Variants in CSMD1 observed in about 807,000 individuals in gnomAD.
CSMD1 encodes CUB and sushi domain-containing protein 1.
In CSMD1, 213 loss-of-function variants were observed where a neutral mutation model predicts 417.5. The observed-to-expected ratio is 0.51, with a 90% confidence interval of 0.46 to 0.57. CSMD1 has a LOEUF of 0.57. CSMD1 is among the 20% of genes least tolerant of loss of function. The probability of loss-of-function intolerance (pLI) is 0.00; values close to 1 mark genes in which losing one functional copy is unlikely to be tolerated. For synonymous variants in CSMD1, 2,862 were observed against 1,736.8 expected (o/e 1.65, Z -16.11); for missense variants, 6,923 against 4,529.7 (o/e 1.53, Z -15.17).
In CSMD1 at chr8:4,198,287, C is replaced by T. The variant is rs935184363; in HGVS notation, c.416-166188G>A. Among the ~76,000 whole-genome samples, 4 of 152,224 alleles carry T rather than the reference C, an allele frequency of 2.6e-5. No homozygotes were observed. In the South Asian group the frequency reaches 6.2e-4, roughly 24 times the overall value. On this transcript the variant is annotated intron_variant, in intron 3 of 69. Transcript: ENST00000635120. ...TTACAGAAGCACAGAAGGTAAACCC[C>T]AGAGAAGTGGCAGCAGGGGCTGGCA...
chr8:3,744,210 C>T (rs1299456770), intron 6 of CSMD1, among the ~76,000 whole-genome samples: 5 of 152,092 alleles, frequency 3.3e-5, no homozygotes, highest in South Asian at 2.1e-4. Flanking sequence ...ACAGGGATGA[C>T]GTGTTCAAGC....
intron 10 of CSMD1, among the ~76,000 whole-genome samples, chr8:3,497,086 T>C (rs951041362): frequency 1.3e-5 from 2 of 152,226 alleles, no homozygotes; most frequent in Non-Finnish European, 2.9e-5. Context: ...AGAATATTCA[T>C]ACCATGTACT....
chr8:3,732,343 G>C (rs773617280), intron 6 of CSMD1, among the ~76,000 whole-genome samples: 1 of 152,146 alleles, frequency 6.6e-6, no homozygotes, highest in Non-Finnish European at 1.5e-5. Context: ...GTGGATCACA[G>C]CCTCACCATA....
intron 3 of CSMD1, among the ~76,000 whole-genome samples, chr8:4,333,254 A>C (rs1482659414): frequency 6.6e-6 from 1 of 152,142 alleles, no homozygotes; most frequent in African/African-American, 2.4e-5. Context: ...ACACAATTCT[A>C]TTAAAGCCAA....
chr8:4,765,079 G>C (rs1429376666), intron 1 of CSMD1, among the ~76,000 whole-genome samples: 1 of 152,078 alleles, frequency 6.6e-6, no homozygotes, highest in Non-Finnish European at 1.5e-5. Context: ...ATGAGGAACA[G>C]GTATGCAACG....
chr8:4,647,184 A>G (rs1300566600), intron 1 of CSMD1, among the ~76,000 whole-genome samples: 1 of 152,038 alleles, frequency 6.6e-6, no homozygotes, highest in African/African-American at 2.4e-5. Flanking sequence ...CAAATAGGCC[A>G]CTGGGCCATA....
chr8:3,515,669 G>C (rs1475077026), intron 10 of CSMD1, among the ~76,000 whole-genome samples: 1 of 152,154 alleles, frequency 6.6e-6, no homozygotes, highest in African/African-American at 2.4e-5. Context: ...AGACCAACTT[G>C]GAACAAGTCA....
chr8:3,593,916 A>G (rs1282285097), intron 8 of CSMD1, among the ~76,000 whole-genome samples: 1 of 152,044 alleles, frequency 6.6e-6, no homozygotes, highest in East Asian at 1.9e-4. Flanking sequence ...CTTTTTCCCA[A>G]TACGTAGAAT....
At chr8:4,046,020 A>T (rs770018672) in intron 3 of CSMD1, among the ~76,000 whole-genome samples, 1 of 152,286 alleles carries the variant, frequency 6.6e-6, no homozygotes, top group Non-Finnish European at 1.5e-5. Flanking sequence ...TTGTATTCAA[A>T]TATAAAATTT....
Position 3,523,608 on chromosome 8 carries a change from TAC to T in CSMD1, c.1345-29884_1345-29883del, listed in dbSNP as rs373137163. On this transcript the variant is annotated intron_variant, in intron 10 of 69. Transcript: ENST00000635120. ...ACAGACATATGCACACATGTGCATGTACACACACACATGCATGCACACCGAGA... is the reference window on the plus strand; with the variant it reads ...ACAGACATATGCACACATGTGCATGTACACACACATGCATGCACACCGAGA... Among the ~76,000 whole-genome samples, 604 of 150,546 alleles carry T rather than the reference TAC, an allele frequency of 4.0e-3. 5 individuals carry two copies. Among genetic ancestry groups the T allele is most frequent in the African/African-American group, 0.011 (455 of 40,918 alleles).
intron 2 of CSMD1, among the ~76,000 whole-genome samples, chr8:4,565,394 T>C (rs1379656017): frequency 6.6e-6 from 1 of 152,122 alleles, no homozygotes; most frequent in East Asian, 1.9e-4. Context: ...ACTTAACCTC[T>C]TCATTTTACA....
intron 3 of CSMD1, among the ~76,000 whole-genome samples, chr8:4,226,050 G>C (rs576152377): frequency 1.4e-5 from 2 of 146,780 alleles, no homozygotes; most frequent in Non-Finnish European, 3.0e-5. Context: ...AAGCTGGAAG[G>C]TTAGAGCTGA....
chr8:3,206,966 C>T (rs895451172), intron 30 of CSMD1, among the ~76,000 whole-genome samples: 2 of 151,952 alleles, frequency 1.3e-5, no homozygotes, highest in Non-Finnish European at 2.9e-5. Flanking sequence ...CAATGACCAG[C>T]GTGGGAGCCA....
intron 20 of CSMD1, among the ~76,000 whole-genome samples, chr8:3,364,881 C>G (rs986972232): frequency 3.3e-5 from 5 of 152,230 alleles, no homozygotes; most frequent in African/African-American, 1.2e-4. Context: ...AGACAGTAGT[C>G]GTCAAAAGAG....
intron 54 of CSMD1, among the ~76,000 whole-genome samples, chr8:2,984,964 ATAACTTC>A (rs1805752402): frequency 1.3e-5 from 2 of 152,252 alleles, no homozygotes; most frequent in Admixed American, 6.5e-5. Flanking sequence ...GTTTTAAAGT[ATAACTTC>A]TTTAAGTTTG....
intron 3 of CSMD1, among the ~76,000 whole-genome samples, chr8:4,180,155 C>T (rs1224882570): frequency 6.6e-6 from 1 of 152,044 alleles, no homozygotes; most frequent in Non-Finnish European, 1.5e-5. Flanking sequence ...CTATTCACGA[C>T]AGCAAAGACT....
intron 25 of CSMD1, among the ~76,000 whole-genome samples, chr8:3,285,391 T>G (rs906538989): frequency 1.3e-5 from 2 of 151,548 alleles, no homozygotes; most frequent in Admixed American, 6.6e-5. Context: ...GTCAGAACTT[T>G]TTTTTTTTTT....
chr8:3,652,739 G>A (rs188994521), intron 7 of CSMD1, among the ~76,000 whole-genome samples: 6 of 152,206 alleles, frequency 3.9e-5, no homozygotes, highest in African/African-American at 2.4e-5. Flanking sequence ...CTAACAAGTG[G>A]GGATTATTAC....
chr8:3,169,477 A>G (rs1305940620), intron 37 of CSMD1, among the ~76,000 whole-genome samples: 1 of 152,164 alleles, frequency 6.6e-6, no homozygotes, highest in Non-Finnish European at 1.5e-5. Flanking sequence ...AGTCGAAATC[A>G]TAGAAAAAAA....
Sources: allele counts gnomAD v4.1 joint callset (sites outside exome capture counted in the v4.1 genomes callset), GRCh38; gene constraint gnomAD v4.1.1; transcripts MANE v1.5; gene names NCBI Gene and HGNC (gene_info 2026-07-23, HGNC 2026-07-21).